Variants in EBF3 observed in about 807,000 individuals in gnomAD.
EBF3 encodes the protein transcription factor COE3.
In EBF3, 18 loss-of-function variants were observed where a neutral mutation model predicts 77.1. That is an observed-to-expected ratio of 0.23 (90% confidence interval 0.16 to 0.35). The LOEUF (loss-of-function observed/expected upper bound fraction) is 0.35. Among genes scored for constraint, EBF3 ranks in the 10% least tolerant of loss-of-function variants. EBF3 has a pLI of 1.00. For synonymous variants in EBF3, 350 were observed against 343.5 expected, an observed-to-expected ratio of 1.02 and a Z score of -0.21; for missense variants, 558 against 860.0, an observed-to-expected ratio of 0.65 and a Z score of 4.39.
chr10:129,958,059 GT>G (rs1859173140), intron 5 of EBF3, among the ~76,000 whole-genome samples: 1 of 152,222 alleles, frequency 6.6e-6, no homozygotes, highest in Non-Finnish European at 1.5e-5. Context: ...CGCTTTCTAT[GT>G]TAATTGCAGT....
At chr10:129,886,565 C>T (rs893626983) in intron 6 of EBF3, among the ~76,000 whole-genome samples, 1 of 152,174 alleles carries the variant, frequency 6.6e-6, no homozygotes, top group African/African-American at 2.4e-5. Context: ...TCTCAGTAAA[C>T]CCTGCTCGGC....
chr10:129,919,958 C>G (rs973370353), intron 6 of EBF3, among the ~76,000 whole-genome samples: 1 of 151,236 alleles, frequency 6.6e-6, no homozygotes, highest in Non-Finnish European at 1.5e-5. Context: ...CACAAGCCCA[C>G]CCCGCTGTGC....
intron 6 of EBF3, among the ~76,000 whole-genome samples, chr10:129,950,924 T>C (rs745779097): frequency 7.6e-4 from 116 of 152,244 alleles, no homozygotes; most frequent in Non-Finnish European, 9.6e-4. Flanking sequence ...GTACCCCCAC[T>C]TGTCAATCAC....
In EBF3 at chr10:129,942,890, T is replaced by C. The variant is rs11017024; in HGVS notation, c.554+14368A>G. On this transcript the variant is annotated intron_variant, in intron 6 of 16. Coordinates refer to ENST00000440978, the MANE Select transcript of EBF3 (RefSeq NM_001375380.1). ...AAATTTTCTGTGCAGAACGCTCAGG[T>C]ACAGGCGTTTGTTTTGAAGCCAGTT... is the stretch of plus-strand genomic sequence containing the variant. Among the ~76,000 whole-genome samples the C allele has an allele frequency of 6.3e-3, 958 of 152,328 alleles. 68 individuals carry two copies. In the East Asian group the frequency reaches 0.15, roughly 24 times the overall value.
At chr10:129,886,541 C>A (rs573986742) in intron 6 of EBF3, among the ~76,000 whole-genome samples, 2 of 152,318 alleles carry the variant, frequency 1.3e-5, no homozygotes, top group South Asian at 4.1e-4. Flanking sequence ...CGGGGAAGGA[C>A]CAAGGTGTTA....
intron 6 of EBF3, among the ~76,000 whole-genome samples, chr10:129,937,767 C>G (rs1564907443): frequency 2.6e-5 from 4 of 152,168 alleles, no homozygotes; most frequent in African/African-American, 9.6e-5. Flanking sequence ...TCCCTGGCAG[C>G]CAAGGGGAGC....
chr10:129,924,285 C>CGGTA (rs1856500403), intron 6 of EBF3, among the ~76,000 whole-genome samples: 1 of 152,054 alleles, frequency 6.6e-6, no homozygotes, highest in Non-Finnish European at 1.5e-5. Context: ...CGTGATGGTA[C>CGGTA]GTACCTGTAA....
At chr10:129,949,241 C>T (rs577846822) in intron 6 of EBF3, among the ~76,000 whole-genome samples, 45 of 152,292 alleles carry the variant, frequency 3.0e-4, no homozygotes, top group Admixed American at 1.6e-3. Flanking sequence ...GCGGAGGTTG[C>T]GGTGAGCCGA....
At chr10:129,940,066 C>G (rs1048293685) in intron 6 of EBF3, among the ~76,000 whole-genome samples, 6 of 152,254 alleles carry the variant, frequency 3.9e-5, no homozygotes, top group Admixed American at 6.5e-5. Flanking sequence ...AACAGGCAAA[C>G]AGGGCACAAT....
chr10:129,954,578 T>C (rs1858907829), intron 6 of EBF3, among the ~76,000 whole-genome samples: 1 of 152,286 alleles, frequency 6.6e-6, no homozygotes, highest in Non-Finnish European at 1.5e-5. Context: ...TCTGTTCTCA[T>C]AACACAGAAA....
chr10:129,895,004 C>A (rs904743662), intron 6 of EBF3, among the ~76,000 whole-genome samples: 1 of 152,174 alleles, frequency 6.6e-6, no homozygotes, highest in Admixed American at 6.5e-5. Context: ...ATGGCAGAGG[C>A]TGTAAAGCCT....
rs886996467 is a variant in EBF3, at chr10:129,952,228, C to G, written c.554+5030G>C. Among the ~76,000 whole-genome samples, 3 of 152,218 alleles carry G rather than the reference C, an allele frequency of 2.0e-5. No individual in the cohort carries two copies. The highest frequency in any genetic ancestry group is 7.2e-5 in the African/African-American group (3 of 41,464). Reference sequence around the variant, plus strand: ...TATCCAATGATAATTATATTCACATCTTTAAGAAAACTGAGAAGGAAAAAT... The same window carrying G: ...TATCCAATGATAATTATATTCACATGTTTAAGAAAACTGAGAAGGAAAAAT... On this transcript the variant is annotated intron_variant, in intron 6 of 16. Coordinates refer to ENST00000440978, the MANE Select transcript of EBF3 (RefSeq NM_001375380.1). This position sits in a 1 kb window ranked among gnomAD's most constrained non-coding sequence, Gnocchi z 4.7.
At chr10:129,872,460 T>G (rs1175357398) in intron 8 of EBF3, among the ~76,000 whole-genome samples, 1 of 152,228 alleles carries the variant, frequency 6.6e-6, no homozygotes, top group East Asian at 1.9e-4. Context: ...CTGAATTATA[T>G]TTCACGCTGA....
In EBF3 at chr10:129,915,678, A is replaced by T. The variant is rs1462133064; in HGVS notation, c.555-37829T>A. On this transcript the variant is annotated intron_variant, in intron 6 of 16. Coordinates refer to ENST00000440978, the MANE Select transcript of EBF3 (RefSeq NM_001375380.1). Reference sequence around the variant, plus strand: ...ACAGATGGCCAAGCATGTGGAGGAGAGCACAATATTTTATTTAAATATCCA... The same window carrying T: ...ACAGATGGCCAAGCATGTGGAGGAGTGCACAATATTTTATTTAAATATCCA... Among the ~76,000 whole-genome samples the T allele has an allele frequency of 3.9e-5, 6 of 152,164 alleles. No homozygotes were observed. In the East Asian group the frequency reaches 9.6e-4, roughly 24 times the overall value.
intron 6 of EBF3, among the ~76,000 whole-genome samples, chr10:129,917,668 A>AAAAAAAAAAAAAACAAAAAAAAAC: frequency 6.7e-6 from 1 of 149,738 alleles, no homozygotes; most frequent in Non-Finnish European, 1.5e-5. Flanking sequence ...AAAAAAAAAA[A>AAAAAAAAAAAAAACAAAAAAAAAC]AAAAAAAAAA....
Position 129,848,805 on chromosome 10 carries a change from A to G in EBF3, c.1040-325T>C, listed in dbSNP as rs1177718873. On this transcript the variant is annotated intron_variant, in intron 10 of 16. Transcript: ENST00000440978. This position sits in a 1 kb window ranked among gnomAD's most constrained non-coding sequence, Gnocchi z 4.4. ...ACCACCATCACGATGTGATGTCTGC[A>G]TCACACGGTGCCTTCCACACTGGCC... Among the ~76,000 whole-genome samples, 2 of 152,226 alleles carry G rather than the reference A, an allele frequency of 1.3e-5. No homozygotes were observed. Among genetic ancestry groups the G allele is most frequent in the Non-Finnish European group, 2.9e-5 (2 of 68,034 alleles).
chr10:129,890,473 G>A (rs1853946381), intron 6 of EBF3, among the ~76,000 whole-genome samples: 2 of 152,264 alleles, frequency 1.3e-5, no homozygotes, highest in African/African-American at 4.8e-5. Flanking sequence ...AAGGTGTGAC[G>A]TGCACAGCGG....
rs1233963146 is a variant in EBF3, at chr10:129,836,925, A to C, written c.*1018T>G. The C allele has an allele frequency of 6.5e-6, 1 of 152,678 alleles. No individual in the cohort carries two copies. Among genetic ancestry groups the C allele is most frequent in the African/African-American group, 2.4e-5 (1 of 41,466 alleles). 9.5% of individuals were successfully genotyped at this position (152,678 alleles called of 1,614,324 possible). ...TGAAGACCATTTTATTCCTTATAAGACACATAAGGAATAAAACTTGTTTTT... is the reference window on the plus strand; with the variant it reads ...TGAAGACCATTTTATTCCTTATAAGCCACATAAGGAATAAAACTTGTTTTT... On this transcript the variant is annotated 3_prime_UTR_variant, in exon 17 of 17. Transcript: ENST00000440978.
At chr10:129,899,470 C>A (rs1230264338) in intron 6 of EBF3, among the ~76,000 whole-genome samples, 1 of 152,220 alleles carries the variant, frequency 6.6e-6, no homozygotes, top group Non-Finnish European at 1.5e-5. Flanking sequence ...CAGCCTGGGT[C>A]ATTTCAAACA....
Sources: allele counts gnomAD v4.1 joint callset (sites outside exome capture counted in the v4.1 genomes callset), GRCh38; gene constraint gnomAD v4.1.1; non-coding constraint Gnocchi (gnomAD v3.1); transcripts MANE v1.5; gene names NCBI Gene and HGNC (gene_info 2026-07-23, HGNC 2026-07-21).